The following GNG10 variants were observed in gnomAD, a reference collection of about 807,000 sequenced individuals.
GNG10 encodes guanine nucleotide-binding protein G(I)/G(S)/G(O) subunit gamma-10.
A neutral mutation model predicts 6.8 loss-of-function variants in GNG10; 7 were observed. The observed-to-expected ratio is 1.02, with a 90% confidence interval of 0.58 to 1.92. GNG10 has a LOEUF of 1.92. Among genes scored for constraint, GNG10 ranks in the 30% most tolerant of loss-of-function variants. The pLI, the probability that GNG10 is intolerant of heterozygous loss-of-function variation, is 0.00. For missense variants in GNG10, 57 were observed against 86.1 expected (o/e 0.66, Z 1.34); for synonymous variants, 28 against 34.8 (o/e 0.80, Z 0.69).
intron 1 of GNG10, among the ~76,000 whole-genome samples, chr9:111,666,057 G>A (rs1244906996): frequency 6.6e-6 from 1 of 152,018 alleles, no homozygotes; most frequent in Non-Finnish European, 1.5e-5. Context: ...GATTCAAGGG[G>A]TGCGTCAATA....
intron 2 of GNG10, among the ~76,000 whole-genome samples, chr9:111,667,228 C>CTTT (rs1564092319): frequency 8.1e-5 from 12 of 148,248 alleles, no homozygotes; most frequent in African/African-American, 1.2e-4. Flanking sequence ...GTAATTTCTT[C>CTTT]CTTTCTTTCT....
At chr9:111,662,168 C>A (rs1830831634) in intron 1 of GNG10, among the ~76,000 whole-genome samples, 1 of 152,044 alleles carries the variant, frequency 6.6e-6, no homozygotes, top group Non-Finnish European at 1.5e-5. Context: ...TGCCACCCGC[C>A]GAGGTAGAGA....
chr9:111,670,124 G>A lies in GNG10; in HGVS notation c.*862G>A, dbSNP rs958172372. On this transcript the variant is annotated 3_prime_UTR_variant, in exon 3 of 3. Transcript: ENST00000374293. The stretch of plus-strand genomic sequence containing the variant: ...AACTTCACAAGTGTTTTACTTCGAC[G>A]ATGTGCCTTTGATTTAATTTGGGAC... 2 of 152,600 alleles carry A rather than the reference G, an allele frequency of 1.3e-5. No homozygotes were observed. The highest frequency in any genetic ancestry group is 6.5e-5 in the Admixed American group (1 of 15,278). The allele number at this position is 152,600 out of a possible 1,614,324, so 9.5% of individuals were successfully genotyped here.
chr9:111,663,775 A>T (rs1326356111), intron 1 of GNG10, among the ~76,000 whole-genome samples: 1 of 152,054 alleles, frequency 6.6e-6, no homozygotes, highest in Non-Finnish European at 1.5e-5. Flanking sequence ...TGAGCCAGTC[A>T]GATGCCTGTC....
chr9:111,664,548 A>C (rs1376963207), intron 1 of GNG10, among the ~76,000 whole-genome samples: 1 of 152,154 alleles, frequency 6.6e-6, no homozygotes, highest in Non-Finnish European at 1.5e-5. Context: ...TGCTGGGTAA[A>C]CATGGGCTCA....
In GNG10 at chr9:111,667,355, G is replaced by A. The variant is rs569313894; in HGVS notation, c.*6+409G>A. Among the ~76,000 whole-genome samples, 18 of 152,092 alleles carry A rather than the reference G, an allele frequency of 1.2e-4. No individual in the cohort carries two copies. The East Asian group carries it at 3.1e-3, about 26-fold the overall frequency. On this transcript the variant is annotated intron_variant, in intron 2 of 2. Transcript: ENST00000374293. Reference sequence around the variant, plus strand: ...AGCAATTCTCTTGTCTCAGCCTCCCGAGTAGCTGGGACTACAGGTGCCTGC... The same window carrying A: ...AGCAATTCTCTTGTCTCAGCCTCCCAAGTAGCTGGGACTACAGGTGCCTGC...
At chr9:111,662,381 T>A (rs1342324994) in intron 1 of GNG10, among the ~76,000 whole-genome samples, 1 of 152,044 alleles carries the variant, frequency 6.6e-6, no homozygotes, top group Non-Finnish European at 1.5e-5. Flanking sequence ...GCCACACCGA[T>A]GGCCGGTGGC....
At position 111,661,685 on chromosome 9, in the gene GNG10, C is replaced by T; in HGVS notation, c.51C>T (p.Leu17=). Residue 17 remains leucine, a synonymous_variant, in exon 1 of 3, where the codon CTC becomes CTT. Coordinates refer to ENST00000374293, the MANE Select transcript of GNG10 (RefSeq NM_001017998.4). The surrounding 1 kb of genome is among the most constrained non-coding windows in gnomAD (Gnocchi z 6.1). ...ASALQRLVEQ[L]KLEAGVERIK... ...CCCTGCAGCGCTTGGTAGAGCAGCT[C>T]AAGTTGGAGGCTGGCGTGGAGAGGA... 2 of 1,386,524 alleles carry T rather than the reference C, an allele frequency of 1.4e-6. No homozygotes were observed. Among genetic ancestry groups the T allele is most frequent in the Non-Finnish European group, 1.9e-6 (2 of 1,050,000 alleles). 85.9% of individuals were successfully genotyped at this position (1,386,524 alleles called of 1,614,324 possible).
At chr9:111,665,172 C>T (rs1830878181) in intron 1 of GNG10, among the ~76,000 whole-genome samples, 1 of 151,286 alleles carries the variant, frequency 6.6e-6, no homozygotes. Flanking sequence ...ACCTGAACAG[C>T]AATTGGAACC....
At chr9:111,663,367 G>A (rs184376191) in intron 1 of GNG10, among the ~76,000 whole-genome samples, 1 of 152,272 alleles carries the variant, frequency 6.6e-6, no homozygotes, top group South Asian at 2.1e-4. Flanking sequence ...AGCAGGGGAG[G>A]TATGCCAGAA....
At chr9:111,666,353 C>G (rs1377164403) in intron 1 of GNG10, among the ~76,000 whole-genome samples, 1 of 152,142 alleles carries the variant, frequency 6.6e-6, no homozygotes, top group Non-Finnish European at 1.5e-5. Context: ...AAATAATAAG[C>G]TATACCGCCT....
At position 111,666,731 on chromosome 9, in the gene GNG10, T is replaced by A. The variant is rs968675711; in HGVS notation, c.82-84T>A. On this transcript the variant is annotated intron_variant, in intron 1 of 2. Coordinates refer to ENST00000374293, the MANE Select transcript of GNG10 (RefSeq NM_001017998.4). Reference sequence around the variant, plus strand: ...TCACAAAAAGTTGATATTTACCAAGTTGGATGATCGTTTTCAGAATATCCT... The same window carrying A: ...TCACAAAAAGTTGATATTTACCAAGATGGATGATCGTTTTCAGAATATCCT... 2.4e-5 allele frequency: 36 copies of A among 1,493,542 alleles called. No homozygotes were observed. In the East Asian group the frequency reaches 6.1e-4, roughly 25 times the overall value. The allele number at this position is 1,493,542 out of a possible 1,614,324, so 92.5% of individuals were successfully genotyped here.
At position 111,666,889 on chromosome 9, in the gene GNG10, T is replaced by A. The variant is rs1830909643; in HGVS notation, c.156T>A (p.Val52=). The change falls in exon 2 of 3, where the codon GTT becomes GTA. Residue 52 remains valine (V), a synonymous_variant. Transcript: ENST00000374293. ...NACKDALLVG[V]PAGSNPFREP... is the part of the protein sequence containing the mutation. ...GCAAGGATGCCCTGCTGGTGGGTGT[T>A]CCAGCTGGAAGTAACCCCTTCCGGG... The A allele has an allele frequency of 1.9e-6, 3 of 1,613,992 alleles. No individual in the cohort carries two copies. Among genetic ancestry groups the A allele is most frequent in the South Asian group, 2.2e-5 (2 of 91,070 alleles).
chr9:111,665,796 G>A (rs572105565), intron 1 of GNG10, among the ~76,000 whole-genome samples: 3 of 151,536 alleles, frequency 2.0e-5, no homozygotes, highest in Admixed American at 6.6e-5. Context: ...GTGCGATCTC[G>A]GCTCACTGAA....
chr9:111,664,989 C>T (rs1325428932), intron 1 of GNG10, among the ~76,000 whole-genome samples: 1 of 152,068 alleles, frequency 6.6e-6, no homozygotes, highest in African/African-American at 2.4e-5. Flanking sequence ...TTAGCATTAG[C>T]CTGGTAATAT....
At chr9:111,666,170 T>C (rs996207930) in intron 1 of GNG10, among the ~76,000 whole-genome samples, 12 of 152,210 alleles carry the variant, frequency 7.9e-5, no homozygotes, top group African/African-American at 2.4e-4. Flanking sequence ...TAGCTTTATA[T>C]GTGTGAACTC....
chr9:111,663,934 C>T (rs909545494), intron 1 of GNG10, among the ~76,000 whole-genome samples: 3 of 151,768 alleles, frequency 2.0e-5, no homozygotes, highest in Non-Finnish European at 4.4e-5. Flanking sequence ...GATTCTCCTG[C>T]CTCAGCCTCC....
chr9:111,661,780 C>A lies in GNG10; in HGVS notation c.81+65C>A. ...GCGGGGCGTGAGAAGAGGAGGCCGG[C>A]GGCCCGGACCGGGCGCCAGCGGGGG... On this transcript the variant is annotated intron_variant, in intron 1 of 2. Transcript: ENST00000374293. The surrounding 1 kb of genome is among the most constrained non-coding windows in gnomAD (Gnocchi z 6.1). 3.1e-6 allele frequency: 3 copies of A among 970,070 alleles called. No individual in the cohort carries two copies. The highest frequency in any genetic ancestry group is 4.0e-6 in the Non-Finnish European group (3 of 752,792). The allele number at this position is 970,070 out of a possible 1,614,324, so 60.1% of individuals were successfully genotyped here. A position where few individuals can be genotyped will look rare whatever the true frequency, so the allele number is the denominator to read the frequency against.
chr9:111,662,365 G>T (rs1483151458), intron 1 of GNG10, among the ~76,000 whole-genome samples: 1 of 152,114 alleles, frequency 6.6e-6, no homozygotes, highest in Non-Finnish European at 1.5e-5. Context: ...TGGGACCCGG[G>T]GACCAGCCAC....
Sources: allele counts gnomAD v4.1 joint callset (sites outside exome capture counted in the v4.1 genomes callset), GRCh38; gene constraint gnomAD v4.1.1; non-coding constraint Gnocchi (gnomAD v3.1); transcripts MANE v1.5; gene names NCBI Gene and HGNC (gene_info 2026-07-23, HGNC 2026-07-21).